ZMPSTE24: variants seen among roughly 807,000 people sequenced by gnomAD.
The protein encoded by ZMPSTE24 is CAAX prenyl protease 1 homolog.
A neutral mutation model predicts 56.7 loss-of-function variants in ZMPSTE24; 48 were observed. That is an observed-to-expected ratio of 0.85 (90% confidence interval 0.67 to 1.08). ZMPSTE24 has a LOEUF of 1.08. ZMPSTE24 is among the 50% of genes least tolerant of loss of function. The pLI is 0.00. For missense variants in ZMPSTE24, 503 were observed against 548.7 expected (o/e 0.92, Z 0.83); for synonymous variants, 172 against 195.2 (o/e 0.88, Z 0.99).
At chr1:40,276,095 G>T (rs1434972897) in intron 6 of ZMPSTE24, among the ~76,000 whole-genome samples, 2 of 152,184 alleles carry the variant, frequency 1.3e-5, no homozygotes, top group Non-Finnish European at 2.9e-5. Flanking sequence ...TCTCAAATGA[G>T]AAGCAGCCTC....
intron 7 of ZMPSTE24, among the ~76,000 whole-genome samples, chr1:40,282,400 TG>T (rs1390036326): frequency 6.6e-6 from 1 of 152,234 alleles, no homozygotes; most frequent in Non-Finnish European, 1.5e-5. Flanking sequence ...AGTATTTGTA[TG>T]TGTGATGGAA....
At chr1:40,264,981 G>A (rs994391961) in intron 2 of ZMPSTE24, among the ~76,000 whole-genome samples, 6 of 151,980 alleles carry the variant, frequency 3.9e-5, no homozygotes, top group African/African-American at 1.5e-4. Flanking sequence ...ACAACCCTGG[G>A]AGCATGCTTA....
intron 7 of ZMPSTE24, among the ~76,000 whole-genome samples, chr1:40,284,043 C>T (rs1041412696): frequency 6.7e-6 from 1 of 148,842 alleles, no homozygotes; most frequent in Non-Finnish European, 1.5e-5. Flanking sequence ...TCAAGCAATT[C>T]TCCTGCCTCA....
At chr1:40,267,167 GTACCATACAATTCATA>G (rs887898180) in intron 2 of ZMPSTE24, among the ~76,000 whole-genome samples, 4 of 151,782 alleles carry the variant, frequency 2.6e-5, no homozygotes, top group African/African-American at 9.7e-5. Context: ...GATAATTCAT[GTACCATACAATTCATA>G]TACCATACAA....
At chr1:40,260,698 G>T in intron 1 of ZMPSTE24, 141 bp from the exon 2 acceptor site, 2 of 786,092 alleles carry the variant, frequency 2.5e-6, no homozygotes, top group Non-Finnish European at 4.1e-6. Flanking sequence ...TCATGTACTT[G>T]ATCAAGTGCA....
intron 1 of ZMPSTE24, chr1:40,259,548 C>T (rs1241554753): frequency 6.6e-6 from 1 of 152,220 alleles, no homozygotes; most frequent in East Asian, 1.9e-4. Flanking sequence ...TGCCACCACG[C>T]CCAGCTAATT....
intron 4 of ZMPSTE24, 138 bp from the exon 5 acceptor site, chr1:40,269,837 A>G (rs1311211015): frequency 3.1e-6 from 3 of 963,016 alleles, no homozygotes; most frequent in Non-Finnish European, 3.1e-6. Flanking sequence ...TAAGCTGCCT[A>G]ATGTCATATA....
chr1:40,292,494 C>A lies in ZMPSTE24; in HGVS notation c.1253C>A (p.Ala418Asp). Residue 418 changes from alanine (A) to aspartate (D), a missense_variant, in exon 10 of 10, where the codon GCT becomes GAT. By Grantham distance (126) the Ala-to-Asp change is moderately radical. Coordinates refer to ENST00000372759, the MANE Select transcript of ZMPSTE24 (RefSeq NM_005857.5). Reference protein sequence around the residue: ...TVLSRRFEFQADAFAKKLGKA... With the variant: ...TVLSRRFEFQDDAFAKKLGKA... Reference sequence around the variant, plus strand: ...CTAAGCCGCAGATTTGAGTTTCAAGCTGATGCATTTGCCAAGAAACTTGGG... The same window carrying A: ...CTAAGCCGCAGATTTGAGTTTCAAGATGATGCATTTGCCAAGAAACTTGGG... The A allele has an allele frequency of 6.2e-7, 1 of 1,614,138 alleles. No individual in the cohort carries two copies. Among genetic ancestry groups the A allele is most frequent in the Non-Finnish European group, 8.5e-7 (1 of 1,180,012 alleles).
chr1:40,292,061 G>A (rs12025801), intron 9 of ZMPSTE24, among the ~76,000 whole-genome samples: 17 of 151,830 alleles, frequency 1.1e-4, no homozygotes, highest in African/African-American at 3.9e-4. Flanking sequence ...GGTTGGTCTC[G>A]AACTCCTGAC....
intron 6 of ZMPSTE24, among the ~76,000 whole-genome samples, chr1:40,275,183 G>A (rs1643655230): frequency 1.3e-5 from 2 of 151,082 alleles, no homozygotes; most frequent in African/African-American, 4.9e-5. Context: ...ACTTGGGGAG[G>A]CCGAGGTGGG....
chr1:40,290,861 C>A lies in ZMPSTE24; in HGVS notation c.1067C>A (p.Ser356Tyr), dbSNP rs1569668542. The change falls in exon 9 of 10, where the codon TCT becomes TAT. Residue 356 changes from serine (S) to tyrosine (Y), a missense_variant. Transcript: ENST00000372759. The stretch of plus-strand genomic sequence containing the variant: ...TCATGTCCTTCTTTCTAGATGAATT[C>A]TTTCCTGTGTTTTTTTTTATTTGCT... ...VKNIIISQMN[S>Y]FLCFFLFAVL... 1 of 1,613,822 alleles carries A rather than the reference C, an allele frequency of 6.2e-7. No homozygotes were observed. Among genetic ancestry groups the A allele is most frequent in the East Asian group, 2.2e-5 (1 of 44,846 alleles).
intron 2 of ZMPSTE24, among the ~76,000 whole-genome samples, chr1:40,264,421 C>T (rs1042864218): frequency 6.6e-6 from 1 of 152,094 alleles, no homozygotes; most frequent in Non-Finnish European, 1.5e-5. Context: ...AGTGAGATAG[C>T]GTAAATGAAG....
chr1:40,267,009 C>CT (rs201634808), intron 2 of ZMPSTE24, among the ~76,000 whole-genome samples: 38,100 of 151,818 alleles, frequency 0.25, 4,872 homozygotes, highest in African/African-American at 0.27. Context: ...CACAAGCAAT[C>CT]TGCCTGCCTT....
At chr1:40,272,439 G>A (rs1332122686) in intron 6 of ZMPSTE24, among the ~76,000 whole-genome samples, 2 of 152,148 alleles carry the variant, frequency 1.3e-5, no homozygotes, top group Non-Finnish European at 2.9e-5. Flanking sequence ...GTATTAGTTT[G>A]GAGGCTCTTA....
At chr1:40,289,727 G>A (rs547496506) in intron 8 of ZMPSTE24, among the ~76,000 whole-genome samples, 14 of 152,260 alleles carry the variant, frequency 9.2e-5, no homozygotes, top group African/African-American at 3.4e-4. Flanking sequence ...TTGTATTTTG[G>A]TATAGATTTT....
chr1:40,260,337 A>C (rs1024834784), intron 1 of ZMPSTE24, among the ~76,000 whole-genome samples: 1 of 152,164 alleles, frequency 6.6e-6, no homozygotes, highest in African/African-American at 2.4e-5. Context: ...CTGGGATTAC[A>C]GGCGTGACCC....
chr1:40,286,055 T>C, intron 8 of ZMPSTE24, 26 bp downstream of exon 8: 1 of 1,584,006 alleles, frequency 6.3e-7, no homozygotes, highest in South Asian at 1.1e-5. Context: ...CAATTCTTTT[T>C]TTATGGCATG....
chr1:40,273,281 G>A (rs1643629975), intron 6 of ZMPSTE24, among the ~76,000 whole-genome samples: 1 of 151,938 alleles, frequency 6.6e-6, no homozygotes, highest in African/African-American at 2.4e-5. Flanking sequence ...ACTTTGGGAG[G>A]CCAAGGCAGG....
chr1:40,278,515 G>A lies in ZMPSTE24; in HGVS notation c.770-2828G>A, dbSNP rs547217960. Reference sequence around the variant, plus strand: ...GGAGCTTGCAGTGAGCCGAGATCGCGCCACTGCACTCCAGCCTGGGCGACA... The same window carrying A: ...GGAGCTTGCAGTGAGCCGAGATCGCACCACTGCACTCCAGCCTGGGCGACA... On this transcript the variant is annotated intron_variant, in intron 6 of 9. Transcript: ENST00000372759. Among the ~76,000 whole-genome samples, 564 of 116,138 alleles carry A rather than the reference G, an allele frequency of 4.9e-3. 6 individuals carry two copies. The highest frequency in any genetic ancestry group is 0.018 in the African/African-American group (540 of 29,664). 76.2% of individuals were successfully genotyped at this position (116,138 alleles called of 152,430 possible).
Sources: allele counts gnomAD v4.1 joint callset (sites outside exome capture counted in the v4.1 genomes callset), GRCh38; gene constraint gnomAD v4.1.1; transcripts MANE v1.5; gene names NCBI Gene and HGNC (gene_info 2026-07-23, HGNC 2026-07-21).